The following GPC1 variants were observed in gnomAD, a reference collection of about 807,000 sequenced individuals.
The protein encoded by GPC1 is glypican 1.
A neutral mutation model predicts 51.5 loss-of-function variants in GPC1; 26 were observed. The ratio of observed to expected loss-of-function variants is 0.50; its 90% confidence interval spans 0.37 to 0.70. The LOEUF is 0.70. Ranked by LOEUF, GPC1 falls within the 30% of genes least tolerant of loss-of-function variation. The probability of loss-of-function intolerance (pLI) is 0.00; values close to 1 mark genes in which losing one functional copy is unlikely to be tolerated. For synonymous variants in GPC1, 380 were observed against 348.3 expected (o/e 1.09, Z -1.01); for missense variants, 775 against 800.5 (o/e 0.97, Z 0.38).
At position 240,462,237 on chromosome 2, in the gene GPC1, C is replaced by G. The variant is rs770457512; in HGVS notation, c.372C>G (p.Ala124=). ...ACGACTCGGAGCGGACGCTGCAGGC[C>G]ACCTTCCCCGGCGCCTTCGGAGAGC... is the stretch of plus-strand genomic sequence containing the variant. ...LLNDSERTLQ[A]TFPGAFGELY... Residue 124 remains alanine (A), a synonymous_variant, in exon 3 of 9, where the codon GCC becomes GCG. Transcript: ENST00000264039. 3.5e-5 allele frequency: 56 copies of G among 1,610,254 alleles called. 1 individual carries two copies. In the South Asian group the frequency reaches 3.9e-4, roughly 11 times the overall value.
chr2:240,446,178 G>A (rs1175156109), intron 1 of GPC1, among the ~76,000 whole-genome samples: 2 of 152,244 alleles, frequency 1.3e-5, no homozygotes, highest in Non-Finnish European at 2.9e-5. Context: ...GTGGCCTAGG[G>A]TCCGAAACGG....
intron 1 of GPC1, chr2:240,458,184 C>A: frequency 2.4e-6 from 1 of 420,114 alleles, no homozygotes; most frequent in Non-Finnish European, 5.2e-6. Context: ...GCGATGCACA[C>A]CCTTTAAAAA....
At chr2:240,461,816 G>C (rs374975514) in intron 2 of GPC1, among the ~76,000 whole-genome samples, 2 of 152,046 alleles carry the variant, frequency 1.3e-5, no homozygotes, top group African/African-American at 4.8e-5. Context: ...GACCGGCCCT[G>C]CCCCTCTTAC....
intron 3 of GPC1, among the ~76,000 whole-genome samples, chr2:240,463,142 C>G (rs1399841655): frequency 6.6e-6 from 1 of 152,182 alleles, no homozygotes; most frequent in African/African-American, 2.4e-5. Flanking sequence ...TCTTGCCTCC[C>G]TGTGACCCTC....
chr2:240,448,076 C>T lies in GPC1; in HGVS notation c.167-10954C>T, dbSNP rs1028092628. On this transcript the variant is annotated intron_variant, in intron 1 of 8. Coordinates refer to ENST00000264039, the MANE Select transcript of GPC1 (RefSeq NM_002081.3). The surrounding 1 kb of genome is among the most constrained non-coding windows in gnomAD (Gnocchi z 4.5). ...ACAGTGACAGTGGAACGGCCGGAGGCGCTCTCGAGCCCGCCTTGAGGGTGG... is the reference window on the plus strand; with the variant it reads ...ACAGTGACAGTGGAACGGCCGGAGGTGCTCTCGAGCCCGCCTTGAGGGTGG... 1.9e-4 allele frequency among the ~76,000 whole-genome samples: 29 copies of T among 152,248 alleles called. No individual in the cohort carries two copies. The highest frequency in any genetic ancestry group is 6.3e-4 in the African/African-American group (26 of 41,530).
chr2:240,445,889 T>C (rs1450787640), intron 1 of GPC1, among the ~76,000 whole-genome samples: 1 of 152,210 alleles, frequency 6.6e-6, no homozygotes, highest in Non-Finnish European at 1.5e-5. Context: ...TTGCGGCTCC[T>C]GTGAAACGGC....
intron 1 of GPC1, chr2:240,458,076 A>C (rs1355589832): frequency 4.2e-6 from 2 of 470,632 alleles, no homozygotes; most frequent in Non-Finnish European, 8.8e-6. Context: ...AGCCGGAACC[A>C]CTTGCCCCCT....
At chr2:240,463,230 C>T in intron 3 of GPC1, 117 bp from the exon 4 acceptor site, 1 of 820,268 alleles carries the variant, frequency 1.2e-6, no homozygotes. Flanking sequence ...TGGGGCAGAG[C>T]AGAGGCCTCC....
At chr2:240,436,895 C>T (rs2073987756) in intron 1 of GPC1, among the ~76,000 whole-genome samples, 1 of 152,248 alleles carries the variant, frequency 6.6e-6, no homozygotes. Flanking sequence ...AGCCCTGCAG[C>T]CGCCTGCGGC....
intron 1 of GPC1, among the ~76,000 whole-genome samples, chr2:240,443,909 C>T (rs556072644): frequency 1.0e-3 from 157 of 152,340 alleles, no homozygotes; most frequent in Middle Eastern, 0.01. Flanking sequence ...TGAGAGGCCT[C>T]GCCGCCTGGG....
intron 1 of GPC1, chr2:240,452,972 A>G: frequency 2.9e-6 from 1 of 344,836 alleles, no homozygotes; most frequent in Non-Finnish European, 5.8e-6. Flanking sequence ...GAGCACCTGC[A>G]CCCAGAGCCC....
At chr2:240,446,052 T>C (rs60270798) in intron 1 of GPC1, among the ~76,000 whole-genome samples, 4,390 of 152,326 alleles carry the variant, frequency 0.029, 217 homozygotes, top group African/African-American at 0.099. Flanking sequence ...GCTTCACCAA[T>C]GGGCAACGGG....
chr2:240,437,282 G>T (rs2073990141), intron 1 of GPC1, among the ~76,000 whole-genome samples: 1 of 152,160 alleles, frequency 6.6e-6, no homozygotes, highest in Non-Finnish European at 1.5e-5. Context: ...GGAGGCAGTC[G>T]GGCTCTGGAC....
intron 1 of GPC1, among the ~76,000 whole-genome samples, chr2:240,453,382 TCCCTCCGCCCGC>T (rs2074122762): frequency 1.6e-3 from 5 of 3,056 alleles, no homozygotes; most frequent in African/African-American, 4.4e-3. Context: ...CCCGCCCCGC[TCCCTCCGCCCGC>T]CCCGCTCCCT....
intron 1 of GPC1, among the ~76,000 whole-genome samples, chr2:240,453,471 C>A (rs2074124406): frequency 7.1e-6 from 1 of 140,314 alleles, no homozygotes; most frequent in Admixed American, 7.1e-5. Flanking sequence ...TCGCCTGCCG[C>A]CGCCCCGGGG....
At chr2:240,446,187 G>A (rs1042420488) in intron 1 of GPC1, among the ~76,000 whole-genome samples, 16 of 152,334 alleles carry the variant, frequency 1.1e-4, no homozygotes, top group South Asian at 4.1e-4. Context: ...GGTCCGAAAC[G>A]GGGGAACGTC....
In GPC1 at chr2:240,466,363, C is replaced by A. The variant is rs1395090609; in HGVS notation, c.*73C>A. ...AATACAACACAGACGATATTTAATT[C>A]ACCTCAGCCTGGAGAGGCCTGGGGT... On this transcript the variant is annotated 3_prime_UTR_variant, in exon 9 of 9. Transcript: ENST00000264039. 3 of 880,206 alleles carry A rather than the reference C, an allele frequency of 3.4e-6. No individual in the cohort carries two copies. Among genetic ancestry groups the A allele is most frequent in the East Asian group, 2.5e-5 (1 of 39,328 alleles). The allele number at this position is 880,206 out of a possible 1,614,324, so 54.5% of individuals were successfully genotyped here.
intron 1 of GPC1, chr2:240,450,659 C>T (rs2074090100): frequency 2.1e-6 from 1 of 470,562 alleles, no homozygotes; most frequent in African/African-American, 2.0e-5. Flanking sequence ...CCCCGTGCTT[C>T]CTCTGGGGAG....
intron 1 of GPC1, among the ~76,000 whole-genome samples, chr2:240,456,351 C>A (rs908077227): frequency 6.6e-6 from 1 of 151,874 alleles, no homozygotes; most frequent in African/African-American, 2.4e-5. Context: ...CGGGACCTCG[C>A]GAGGGAGGGG....
Sources: gnomAD v4.1 joint callset for allele counts (sites outside exome capture counted in the v4.1 genomes callset) on GRCh38, gnomAD v4.1.1 for gene constraint, Gnocchi (gnomAD v3.1) non-coding constraint, MANE v1.5 for transcripts, NCBI Gene and HGNC (gene_info 2026-07-23, HGNC 2026-07-21) for gene names.